Variants in PCDHGB1 observed in about 807,000 individuals in gnomAD.
The protein encoded by PCDHGB1 is protocadherin gamma subfamily B, 1, also known as protocadherin gamma-B1.
In PCDHGB1, 34 loss-of-function variants were observed where a neutral mutation model predicts 56.6. That is an observed-to-expected ratio of 0.60 (90% CI 0.46 to 0.80). PCDHGB1 has a LOEUF of 0.80. PCDHGB1 is among the 30% of genes least tolerant of loss of function. The pLI is 0.00. For missense variants in PCDHGB1, 1,278 were observed against 1,204.6 expected (o/e 1.06, Z -0.90); for synonymous variants, 561 against 505.9 (o/e 1.11, Z -1.46).
chr5:141,425,401 T>C (rs1280463432), intron 1 of PCDHGB1, among the ~76,000 whole-genome samples: 1 of 152,234 alleles, frequency 6.6e-6, no homozygotes, highest in Non-Finnish European at 1.5e-5. Context: ...AAAGTTCTGT[T>C]AAGGTATAAC....
chr5:141,374,152 G>T (rs1190094932), intron 1 of PCDHGB1: 1 of 1,612,132 alleles, frequency 6.2e-7, no homozygotes. Context: ...TGGGGACGCT[G>T]TGGGGGGCCG....
At chr5:141,408,297 C>G in intron 1 of PCDHGB1, 1 of 1,613,652 alleles carries the variant, frequency 6.2e-7, no homozygotes, top group East Asian at 2.2e-5. Flanking sequence ...CTGAGTGAGC[C>G]GATCCGCTAC....
chr5:141,435,990 T>C (rs1175877769), intron 1 of PCDHGB1, among the ~76,000 whole-genome samples: 1 of 152,162 alleles, frequency 6.6e-6, no homozygotes, highest in Non-Finnish European at 1.5e-5. Flanking sequence ...TTGTGTGATT[T>C]TTTGAAAGAA....
chr5:141,395,538 TTGTTTGTGTG>T, intron 1 of PCDHGB1: 1 of 225,786 alleles, frequency 4.4e-6, no homozygotes, highest in Non-Finnish European at 7.1e-6. Context: ...AATTTTGCTA[TTGTTTGTGTG>T]TGTGTGTGTG....
chr5:141,490,338 C>A lies in PCDHGB1; in HGVS notation c.2410-4469C>A, dbSNP rs1408559629. Reference sequence around the variant, plus strand: ...CTGTCCTAGAGAGCACACCAGTGGGCACAGTAGTGGGGTTGTTTAATGTGC... The same window carrying A: ...CTGTCCTAGAGAGCACACCAGTGGGAACAGTAGTGGGGTTGTTTAATGTGC... On this transcript the variant is annotated intron_variant, in intron 1 of 3. Coordinates refer to ENST00000523390, the MANE Select transcript of PCDHGB1 (RefSeq NM_018922.3). This position sits in a 1 kb window ranked among gnomAD's most constrained non-coding sequence, Gnocchi z 5.4. 6.2e-7 allele frequency: 1 copy of A among 1,614,184 alleles called. No homozygotes were observed. The highest frequency in any genetic ancestry group is 1.7e-5 in the Admixed American group (1 of 60,032).
At chr5:141,360,525 C>T in intron 1 of PCDHGB1, 1 of 1,613,772 alleles carries the variant, frequency 6.2e-7, no homozygotes, top group African/African-American at 1.3e-5. Flanking sequence ...ATGATAATAC[C>T]CCGCTATTCA....
chr5:141,376,549 T>C (rs757110514), intron 1 of PCDHGB1: 1 of 1,612,108 alleles, frequency 6.2e-7, no homozygotes, highest in East Asian at 2.2e-5. Context: ...AATCTGATCT[T>C]CCCGCAACCC....
chr5:141,440,667 T>C (rs1330266877), intron 1 of PCDHGB1: 1 of 152,218 alleles, frequency 6.6e-6, no homozygotes, highest in East Asian at 1.9e-4. Context: ...GCAGCAACTC[T>C]ATATTTCTCT....
At position 141,431,052 on chromosome 5, in the gene PCDHGB1, G is replaced by A. The variant is rs148326556; in HGVS notation, c.2410-63755G>A. On this transcript the variant is annotated intron_variant, in intron 1 of 3. Transcript: ENST00000523390. The surrounding 1 kb of genome is among the most constrained non-coding windows in gnomAD (Gnocchi z 4.8). Reference sequence around the variant, plus strand: ...ATAGACCGGGAGGAGCTCTGTATGGGGGCCATCAAGTGTCAATTAAATCTA... The same window carrying A: ...ATAGACCGGGAGGAGCTCTGTATGGAGGCCATCAAGTGTCAATTAAATCTA... 2 of 1,614,228 alleles carry A rather than the reference G, an allele frequency of 1.2e-6. No individual in the cohort carries two copies. The highest frequency in any genetic ancestry group is 1.7e-6 in the Non-Finnish European group (2 of 1,180,044).
chr5:141,423,759 G>C, intron 1 of PCDHGB1: 1 of 321,042 alleles, frequency 3.1e-6, no homozygotes, highest in Non-Finnish European at 4.5e-6. Flanking sequence ...TTGGGGGGGG[G>C]GTGGGGCGGC....
intron 1 of PCDHGB1, chr5:141,427,447 T>A (rs556527924): frequency 1.9e-4 from 92 of 483,324 alleles, no homozygotes; most frequent in African/African-American, 1.4e-3. Context: ...AACGAAAGAG[T>A]TCCTTTTAGA....
At chr5:141,446,831 T>C (rs1237079019) in intron 1 of PCDHGB1, among the ~76,000 whole-genome samples, 2 of 152,186 alleles carry the variant, frequency 1.3e-5, no homozygotes, top group East Asian at 3.9e-4. Context: ...TAGATCCTTA[T>C]AAGGCTGAGC....
At chr5:141,422,168 G>T in intron 1 of PCDHGB1, 2 of 1,563,582 alleles carry the variant, frequency 1.3e-6, no homozygotes, top group Non-Finnish European at 1.7e-6. Context: ...GAAAAATATA[G>T]ATTCTATGAG....
intron 1 of PCDHGB1, chr5:141,415,176 C>T: frequency 6.2e-7 from 1 of 1,613,934 alleles, no homozygotes; most frequent in Non-Finnish European, 8.5e-7. Context: ...TCACCGTGGC[C>T]GTGGCCGACA....
At chr5:141,364,463 G>T (rs1561530846) in intron 1 of PCDHGB1, 2 of 1,614,000 alleles carry the variant, frequency 1.2e-6, no homozygotes, top group Admixed American at 1.7e-5. Context: ...AGGCTCCTTC[G>T]TCGGCAACAT....
intron 1 of PCDHGB1, chr5:141,392,786 T>C: frequency 5.2e-6 from 8 of 1,550,412 alleles, no homozygotes; most frequent in Non-Finnish European, 7.0e-6. Flanking sequence ...CAGTGAAGAT[T>C]CTGAGAGGAT....
At chr5:141,389,547 G>A in intron 1 of PCDHGB1, 1 of 1,613,252 alleles carries the variant, frequency 6.2e-7, no homozygotes, top group East Asian at 2.2e-5. Context: ...CGACCGCAAC[G>A]ACAATGCGCC....
rs767425379 is a variant in PCDHGB1, at chr5:141,403,635, T to C, written c.2409+50966T>C. 1.1e-5 allele frequency: 18 copies of C among 1,613,902 alleles called. No individual in the cohort carries two copies. The South Asian group carries it at 1.8e-4, about 16-fold the overall frequency. On this transcript the variant is annotated intron_variant, in intron 1 of 3. Transcript: ENST00000523390. ...CCGCGTCGCTCCAGCACAGTGCGCA[T>C]CCATGTGACAGTGTTGGATACAAAT... is the stretch of plus-strand genomic sequence containing the variant.
In PCDHGB1 at chr5:141,486,247, C is replaced by T. The variant is rs935513223; in HGVS notation, c.2410-8560C>T. The T allele has an allele frequency of 2.5e-6, 4 of 1,614,014 alleles. No homozygotes were observed. The African/African-American group carries it at 5.3e-5, about 22-fold the overall frequency. On this transcript the variant is annotated intron_variant, in intron 1 of 3. Transcript: ENST00000523390. This position sits in a 1 kb window ranked among gnomAD's most constrained non-coding sequence, Gnocchi z 5.0. Reference sequence around the variant, plus strand: ...TCACAGTGACCTCAGAGCTTGGAACCCTCCCCGAGAGTGCAGAACCTGGCA... The same window carrying T: ...TCACAGTGACCTCAGAGCTTGGAACTCTCCCCGAGAGTGCAGAACCTGGCA...
Sources: gnomAD v4.1 joint callset for allele counts (sites outside exome capture counted in the v4.1 genomes callset) on GRCh38, gnomAD v4.1.1 for gene constraint, Gnocchi (gnomAD v3.1) non-coding constraint, MANE v1.5 for transcripts, NCBI Gene and HGNC (gene_info 2026-07-23, HGNC 2026-07-21) for gene names.